Variants in RNLS observed in about 807,000 individuals in gnomAD.
The protein encoded by RNLS is renalase, FAD dependent amine oxidase.
In RNLS, 39 loss-of-function variants were observed where a neutral mutation model predicts 39.8. The observed-to-expected ratio is 0.98, with a 90% confidence interval of 0.76 to 1.28. The LOEUF (loss-of-function observed/expected upper bound fraction) is 1.28, where lower values mean the gene tolerates loss of function less well. RNLS is among the 50% of genes most tolerant of loss of function. RNLS has a pLI of 0.00. For synonymous variants in RNLS, 147 were observed against 150.7 expected, an observed-to-expected ratio of 0.98 and a Z score of 0.18; for missense variants, 410 against 413.3, an observed-to-expected ratio of 0.99 and a Z score of 0.07.
chr10:88,405,739 C>T (rs1589738371), intron 4 of RNLS, among the ~76,000 whole-genome samples: 1 of 151,942 alleles, frequency 6.6e-6, no homozygotes. Flanking sequence ...ATTCATCATG[C>T]TCTTTATTGG....
chr10:88,397,272 C>T (rs551214643), intron 4 of RNLS, among the ~76,000 whole-genome samples: 54 of 151,902 alleles, frequency 3.6e-4, no homozygotes, highest in African/African-American at 1.2e-3. Flanking sequence ...AAAGCATGTT[C>T]CCTGGTAGCA....
At chr10:88,380,404 C>T (rs1851365200) in intron 4 of RNLS, among the ~76,000 whole-genome samples, 1 of 114,210 alleles carries the variant, frequency 8.8e-6, no homozygotes, top group Admixed American at 1.3e-4. Context: ...ACGACGGAGT[C>T]TCTCTCTGTC....
At chr10:88,581,294 G>GTATATATATATATATATATATA (rs61477690) in intron 3 of RNLS, among the ~76,000 whole-genome samples, 78 of 129,840 alleles carry the variant, frequency 6.0e-4, no homozygotes, top group South Asian at 1.2e-3. Flanking sequence ...GTGTGTGTGT[G>GTATATATATATATATATATATA]TATATATATA....
At chr10:88,372,409 T>C (rs1399001173) in intron 4 of RNLS, among the ~76,000 whole-genome samples, 1 of 152,148 alleles carries the variant, frequency 6.6e-6, no homozygotes, top group Non-Finnish European at 1.5e-5. Flanking sequence ...TATCTAGCTA[T>C]GTAGATGTGA....
downstream of RNLS, among the ~76,000 whole-genome samples, chr10:88,269,770 G>C (rs185628672): frequency 2.0e-5 from 3 of 152,310 alleles, no homozygotes. Flanking sequence ...CTTTGGACTT[G>C]ATTTATGTAC....
intron 5 of RNLS, among the ~76,000 whole-genome samples, chr10:88,350,078 A>G (rs1201363446): frequency 1.3e-5 from 2 of 152,118 alleles, no homozygotes; most frequent in African/African-American, 4.8e-5. Flanking sequence ...ACAGTTTTTC[A>G]TGATTATGGT....
At chr10:88,290,105 A>C (rs917090052) in intron 6 of RNLS, among the ~76,000 whole-genome samples, 1 of 152,196 alleles carries the variant, frequency 6.6e-6, no homozygotes, top group Non-Finnish European at 1.5e-5. Flanking sequence ...TAGGCAGACA[A>C]GTAGGCTGAG....
intron 4 of RNLS, among the ~76,000 whole-genome samples, chr10:88,444,359 C>T (rs1766815610): frequency 6.6e-6 from 1 of 152,072 alleles, no homozygotes; most frequent in African/African-American, 2.4e-5. Context: ...GATAAAACCA[C>T]AAAGATAGGG....
At chr10:88,268,118 G>A in the RNLS span, among the ~76,000 whole-genome samples, 79,977 of 151,968 alleles carry the variant, frequency 0.53, 22,824 homozygotes, top group African/African-American at 0.75. Context: ...ATCACTAATT[G>A]GATCTCTTTT....
the RNLS span, among the ~76,000 whole-genome samples, chr10:88,177,686 T>C: frequency 2.9e-3 from 437 of 152,368 alleles, no homozygotes; most frequent in African/African-American, 0.01. Flanking sequence ...TTGATATTTG[T>C]GCATCTGGCA....
At chr10:88,359,604 A>G (rs1170495339) in intron 5 of RNLS, among the ~76,000 whole-genome samples, 1 of 152,264 alleles carries the variant, frequency 6.6e-6, no homozygotes, top group Non-Finnish European at 1.5e-5. Flanking sequence ...TGCTTGCTGA[A>G]GTGGCACCAC....
At chr10:88,499,483 C>A (rs888113486) in intron 4 of RNLS, among the ~76,000 whole-genome samples, 1 of 152,182 alleles carries the variant, frequency 6.6e-6, no homozygotes, top group African/African-American at 2.4e-5. Flanking sequence ...GTTAGAAGTT[C>A]TTACGAAAAA....
chr10:88,329,686 A>G (rs1846939640), intron 5 of RNLS, among the ~76,000 whole-genome samples: 1 of 150,620 alleles, frequency 6.6e-6, no homozygotes, highest in East Asian at 2.0e-4. Context: ...TATTTTCAGT[A>G]TTTTCTATCT....
rs1264623554 is a variant in RNLS at position 88,314,501 on chromosome 10, T to C, written c.841A>G (p.Ile281Val). 12 of 1,613,944 alleles carry C rather than the reference T, an allele frequency of 7.4e-6. No homozygotes were observed. Among genetic ancestry groups the C allele is most frequent in the Middle Eastern group, 3.3e-4 (2 of 6,056 alleles). The change falls in exon 6 of 7, where the codon ATT becomes GTT. Residue 281 changes from isoleucine (I) to valine (V), a missense_variant. Physicochemically the swap from Ile to Val is conservative, Grantham distance 29. Transcript: ENST00000331772. The part of the protein sequence containing the change: ...ENILPGLPQP[I>V]ATKCQKWRHS... Reference sequence around the variant, plus strand: ...CTCCATTTTTGGCATTTGGTAGCAATTGGCTGAGGCAAACCCGGCAAAATG... The same window carrying C: ...CTCCATTTTTGGCATTTGGTAGCAACTGGCTGAGGCAAACCCGGCAAAATG...
chr10:88,262,612 A>G, the RNLS span, among the ~76,000 whole-genome samples: 1 of 152,210 alleles, frequency 6.6e-6, no homozygotes, highest in Non-Finnish European at 1.5e-5. Context: ...CTAAAGAAGT[A>G]TAATACCTAT....
intron 5 of RNLS, among the ~76,000 whole-genome samples, chr10:88,361,125 G>A (rs546582544): frequency 6.1e-4 from 93 of 152,286 alleles, no homozygotes; most frequent in Middle Eastern, 3.4e-3. Flanking sequence ...TGTGCAAGCC[G>A]GGATAGAAAG....
chr10:88,253,496 T>C, the RNLS span, among the ~76,000 whole-genome samples: 28 of 152,342 alleles, frequency 1.8e-4, no homozygotes, highest in Non-Finnish European at 3.8e-4. Flanking sequence ...TGTGGGATTA[T>C]TTGTTTCTAT....
intron 4 of RNLS, among the ~76,000 whole-genome samples, chr10:88,498,855 T>C (rs181974557): frequency 2.6e-5 from 4 of 152,104 alleles, no homozygotes; most frequent in African/African-American, 7.2e-5. Context: ...GAATTCTTTG[T>C]AAATCTTTTT....
intron 4 of RNLS, among the ~76,000 whole-genome samples, chr10:88,381,309 C>CAA (rs1851473446): frequency 6.6e-6 from 1 of 152,044 alleles, no homozygotes; most frequent in African/African-American, 2.4e-5. Context: ...GATCCTTTAG[C>CAA]AAAGTTTTAG....
Sources: gnomAD v4.1 joint callset for allele counts (sites outside exome capture counted in the v4.1 genomes callset) on GRCh38, gnomAD v4.1.1 for gene constraint, MANE v1.5 for transcripts, NCBI Gene and HGNC (gene_info 2026-07-23, HGNC 2026-07-21) for gene names.